LYPLAL1: variants seen among roughly 807,000 people sequenced by gnomAD.
LYPLAL1 encodes lysophospholipase like 1.
Under a neutral mutation model 19.7 loss-of-function variants are expected in LYPLAL1, and 23 were observed. The observed-to-expected ratio is 1.17, with a 90% CI of 0.84 to 1.65. The LOEUF (loss-of-function observed/expected upper bound fraction) is 1.65, where lower values mean the gene tolerates loss of function less well. LYPLAL1 is among the 40% of genes most tolerant of loss of function. The probability of loss-of-function intolerance (pLI) is 0.00; values close to 1 mark genes in which losing one functional copy is unlikely to be tolerated. For missense variants in LYPLAL1, 355 were observed against 279.4 expected (o/e 1.27, Z -1.93); for synonymous variants, 119 against 96.3 (o/e 1.24, Z -1.38).
At chr1:219,388,863 C>T in the LYPLAL1 span, among the ~76,000 whole-genome samples, 1 of 152,094 alleles carries the variant, frequency 6.6e-6, no homozygotes, top group African/African-American at 2.4e-5. Context: ...TGAGACTACT[C>T]CTTTATTCAA....
the LYPLAL1 span, among the ~76,000 whole-genome samples, chr1:219,425,548 C>T: frequency 1.3e-5 from 2 of 152,280 alleles, no homozygotes; most frequent in East Asian, 1.9e-4. Flanking sequence ...TAGACTTAAG[C>T]CACCGAAATT....
At chr1:219,429,883 T>C in the LYPLAL1 span, among the ~76,000 whole-genome samples, 1 of 152,196 alleles carries the variant, frequency 6.6e-6, no homozygotes, top group South Asian at 2.1e-4. Flanking sequence ...CTTACAGTTA[T>C]CTTGCACTTG....
chr1:219,369,294 CA>C, the LYPLAL1 span, among the ~76,000 whole-genome samples: 1,538 of 152,306 alleles, frequency 0.01, 19 homozygotes, highest in Non-Finnish European at 0.015. Flanking sequence ...TTTTTTGAGA[CA>C]GAGTCTCGCT....
At chr1:219,290,391 T>C in the LYPLAL1 span, among the ~76,000 whole-genome samples, 3 of 152,170 alleles carry the variant, frequency 2.0e-5, no homozygotes, top group Non-Finnish European at 4.4e-5. Flanking sequence ...CTCTACATGT[T>C]TAGGTTTAAA....
chr1:219,390,779 TTTG>T, the LYPLAL1 span, among the ~76,000 whole-genome samples: 1 of 152,196 alleles, frequency 6.6e-6, no homozygotes, highest in African/African-American at 2.4e-5. Flanking sequence ...CCTTAATAAA[TTTG>T]TTACCTTTTT....
At chr1:219,243,370 G>A in the LYPLAL1 span, among the ~76,000 whole-genome samples, 1 of 152,136 alleles carries the variant, frequency 6.6e-6, no homozygotes, top group Non-Finnish European at 1.5e-5. Flanking sequence ...AAAAAATGAA[G>A]GAAGGATTAG....
At chr1:219,369,096 C>T in the LYPLAL1 span, among the ~76,000 whole-genome samples, 8 of 152,076 alleles carry the variant, frequency 5.3e-5, no homozygotes, top group Non-Finnish European at 8.8e-5. Flanking sequence ...TTTTTTGTTT[C>T]CTTTATATAG....
At chr1:219,220,533 C>T in the LYPLAL1 span, among the ~76,000 whole-genome samples, 1 of 152,136 alleles carries the variant, frequency 6.6e-6, no homozygotes, top group Non-Finnish European at 1.5e-5. Context: ...CCAGCACTTT[C>T]CTTCTGGCCG....
At chr1:219,433,327 G>C in the LYPLAL1 span, among the ~76,000 whole-genome samples, 1 of 152,126 alleles carries the variant, frequency 6.6e-6, no homozygotes, top group East Asian at 1.9e-4. Context: ...ATCCTGGGCT[G>C]GCAACATTGA....
the LYPLAL1 span, among the ~76,000 whole-genome samples, chr1:219,430,526 ATGTT>A: frequency 6.6e-6 from 1 of 152,194 alleles, no homozygotes; most frequent in Non-Finnish European, 1.5e-5. Context: ...TATTCAGTAA[ATGTT>A]TGTGGGATGA....
chr1:219,243,626 A>T, the LYPLAL1 span, among the ~76,000 whole-genome samples: 4 of 152,188 alleles, frequency 2.6e-5, no homozygotes, highest in Admixed American at 2.0e-4. Context: ...TTTAAAAAAA[A>T]ATTTAAAAAA....
the LYPLAL1 span, among the ~76,000 whole-genome samples, chr1:219,253,957 C>T: frequency 1.3e-5 from 2 of 152,052 alleles, no homozygotes; most frequent in African/African-American, 4.8e-5. Context: ...AATCTGGGTG[C>T]TCCTATGTTG....
the LYPLAL1 span, among the ~76,000 whole-genome samples, chr1:219,255,835 A>G: frequency 5.9e-5 from 9 of 152,070 alleles, no homozygotes; most frequent in South Asian, 1.4e-3. Flanking sequence ...TTCTATATCT[A>G]TAAAGATAAC....
chr1:219,312,442 G>C, the LYPLAL1 span, among the ~76,000 whole-genome samples: 7 of 152,108 alleles, frequency 4.6e-5, no homozygotes. Flanking sequence ...TTTTGGAGTT[G>C]AGGAGGTCTC....
the LYPLAL1 span, among the ~76,000 whole-genome samples, chr1:219,317,978 G>A: frequency 1.4e-4 from 21 of 152,268 alleles, no homozygotes; most frequent in African/African-American, 4.3e-4. Context: ...AAAAGCAATA[G>A]CAGACTGATC....
At chr1:219,187,240 A>G (rs138760324) in intron 2 of LYPLAL1, among the ~76,000 whole-genome samples, 218 of 151,826 alleles carry the variant, frequency 1.4e-3, no homozygotes, top group Middle Eastern at 3.4e-3. Context: ...ATTACAGCAT[A>G]TAAGTGTGTT....
chr1:219,298,168 G>T, the LYPLAL1 span, among the ~76,000 whole-genome samples: 1 of 152,046 alleles, frequency 6.6e-6, no homozygotes, highest in Non-Finnish European at 1.5e-5. Flanking sequence ...AAATTTGTCA[G>T]GCATGGTGGT....
chr1:219,369,249 T>G, the LYPLAL1 span, among the ~76,000 whole-genome samples: 5 of 152,330 alleles, frequency 3.3e-5, no homozygotes, highest in African/African-American at 1.2e-4. Flanking sequence ...ACTAACACCC[T>G]TTATTCTAGT....
intron 3 of LYPLAL1, among the ~76,000 whole-genome samples, chr1:219,209,797 G>A (rs1179230013): frequency 6.6e-6 from 1 of 152,034 alleles, no homozygotes; most frequent in Non-Finnish European, 1.5e-5. Flanking sequence ...TCCATATTCT[G>A]TGTTGGATGT....
Sources: gnomAD v4.1 joint callset for allele counts (sites outside exome capture counted in the v4.1 genomes callset) on GRCh38, gnomAD v4.1.1 for gene constraint, MANE v1.5 for transcripts, NCBI Gene and HGNC (gene_info 2026-07-23, HGNC 2026-07-21) for gene names.